Variants in COG5 observed in about 807,000 individuals in gnomAD.
The protein encoded by COG5 is conserved oligomeric Golgi complex subunit 5.
Under a neutral mutation model 110.4 loss-of-function variants are expected in COG5, and 86 were observed. The observed-to-expected ratio is 0.78, with a 90% CI of 0.65 to 0.93. The LOEUF is 0.93. Ranked by LOEUF, COG5 falls within the 40% of genes least tolerant of loss-of-function variation. The pLI, the probability that COG5 is intolerant of heterozygous loss-of-function variation, is 0.00. For synonymous variants in COG5, 360 were observed against 334.6 expected (o/e 1.08, Z -0.83); for missense variants, 1,077 against 987.0 (o/e 1.09, Z -1.22).
At chr7:107,397,686 C>CA (rs1332266442) in intron 7 of COG5, among the ~76,000 whole-genome samples, 1 of 152,120 alleles carries the variant, frequency 6.6e-6, no homozygotes, top group Non-Finnish European at 1.5e-5. Context: ...AACTGCAGTT[C>CA]AGGGTAACCA....
intron 16 of COG5, among the ~76,000 whole-genome samples, chr7:107,254,087 A>G (rs1802711099): frequency 6.6e-6 from 1 of 152,148 alleles, no homozygotes; most frequent in African/African-American, 2.4e-5. Flanking sequence ...CAGACAATAA[A>G]TATTTTTGAA....
At chr7:107,527,593 C>T (rs1800868869) in intron 5 of COG5, among the ~76,000 whole-genome samples, 1 of 152,076 alleles carries the variant, frequency 6.6e-6, no homozygotes, top group Non-Finnish European at 1.5e-5. Flanking sequence ...AAGATTCACT[C>T]ATGCTTTTTT....
intron 12 of COG5, among the ~76,000 whole-genome samples, chr7:107,288,908 ATATAT>A (rs1805894100): frequency 7.2e-4 from 1 of 1,392 alleles, no homozygotes; most frequent in South Asian, 0.026. Context: ...TCTAACAGAG[ATATAT>A]ATATATATAT....
At chr7:107,485,220 T>A (rs1797588276) in intron 6 of COG5, among the ~76,000 whole-genome samples, 1 of 152,116 alleles carries the variant, frequency 6.6e-6, no homozygotes, top group African/African-American at 2.4e-5. Flanking sequence ...TGTGCAGAGG[T>A]TGCTGTTACC....
At chr7:107,314,190 A>G (rs960925291) in intron 11 of COG5, among the ~76,000 whole-genome samples, 1 of 152,174 alleles carries the variant, frequency 6.6e-6, no homozygotes, top group African/African-American at 2.4e-5. Context: ...GAAAAATAAC[A>G]ATTTTAAAAA....
rs1584837756 is a variant in COG5, at chr7:107,449,256, T to C, written c.539-36624A>G. ...ACTTAAAACCTAGATGATGGGTTGA[T>C]AGATGCAGCAAACCACCATGGCACA... On this transcript the variant is annotated intron_variant, in intron 6 of 21. Coordinates refer to ENST00000297135, the MANE Select transcript of COG5 (RefSeq NM_006348.5). Among the ~76,000 whole-genome samples, 4 of 152,182 alleles carry C rather than the reference T, an allele frequency of 2.6e-5. No individual in the cohort carries two copies. The South Asian group carries it at 6.2e-4, about 24-fold the overall frequency.
chr7:107,414,853 G>A (rs139594930), intron 6 of COG5, among the ~76,000 whole-genome samples: 1,806 of 150,680 alleles, frequency 0.012, 32 homozygotes, highest in African/African-American at 0.041. Flanking sequence ...TCAGCCTCCC[G>A]GGTAGCTGGG....
chr7:107,221,547 G>C (rs1037709569), intron 19 of COG5, among the ~76,000 whole-genome samples: 6 of 152,020 alleles, frequency 3.9e-5, no homozygotes, highest in Non-Finnish European at 7.4e-5. Flanking sequence ...GGCAGATCAT[G>C]AGGTCAGGAG....
chr7:107,437,502 T>C (rs1362274956), intron 6 of COG5, among the ~76,000 whole-genome samples: 2 of 152,178 alleles, frequency 1.3e-5, no homozygotes, highest in Non-Finnish European at 2.9e-5. Flanking sequence ...TGGATGACTA[T>C]TATCGAATAG....
chr7:107,351,460 G>A (rs1202238642), intron 10 of COG5, among the ~76,000 whole-genome samples: 1 of 152,148 alleles, frequency 6.6e-6, no homozygotes, highest in Non-Finnish European at 1.5e-5. Context: ...TTGACAAATG[G>A]GATCTAATTA....
At chr7:107,447,692 G>A (rs1337406507) in intron 6 of COG5, among the ~76,000 whole-genome samples, 1 of 152,090 alleles carries the variant, frequency 6.6e-6, no homozygotes, top group Non-Finnish European at 1.5e-5. Flanking sequence ...TGAAACTCCA[G>A]GTCATTGGTA....
chr7:107,473,115 G>C (rs140007261), intron 6 of COG5: 11 of 151,504 alleles, frequency 7.3e-5, no homozygotes, highest in African/African-American at 2.7e-4. Flanking sequence ...CTCAAAAAAC[G>C]GGCTTCACAT....
chr7:107,433,380 A>G (rs1413378129), intron 6 of COG5, among the ~76,000 whole-genome samples: 1 of 152,232 alleles, frequency 6.6e-6, no homozygotes, highest in Non-Finnish European at 1.5e-5. Context: ...AAGGGACCCC[A>G]AACAGCCAAA....
chr7:107,508,739 C>T (rs1563073483), intron 6 of COG5, among the ~76,000 whole-genome samples: 2 of 152,104 alleles, frequency 1.3e-5, no homozygotes, highest in African/African-American at 2.4e-5. Context: ...CACTGTTCTA[C>T]AGCCACCGCT....
chr7:107,389,640 C>T (rs569627898), intron 7 of COG5, among the ~76,000 whole-genome samples: 3 of 152,312 alleles, frequency 2.0e-5, no homozygotes, highest in African/African-American at 7.2e-5. Context: ...GCAACTATAA[C>T]ATCTTAGACT....
At chr7:107,313,053 C>A (rs1165374274) in intron 11 of COG5, among the ~76,000 whole-genome samples, 1 of 152,144 alleles carries the variant, frequency 6.6e-6, no homozygotes, top group Non-Finnish European at 1.5e-5. Context: ...AAAAGACCAG[C>A]TGTGGGGAAA....
At chr7:107,406,849 A>G (rs897031363) in intron 7 of COG5, among the ~76,000 whole-genome samples, 13 of 152,304 alleles carry the variant, frequency 8.5e-5, no homozygotes, top group Non-Finnish European at 1.8e-4. Context: ...CATGTCATAG[A>G]TGCAAAATTT....
chr7:107,270,603 T>C (rs1804175753), intron 14 of COG5, among the ~76,000 whole-genome samples: 1 of 151,474 alleles, frequency 6.6e-6, no homozygotes, highest in South Asian at 2.1e-4. Context: ...TAAAAAAATC[T>C]AGACCCAAGA....
Position 107,412,529 on chromosome 7 carries a change from G to T in COG5, c.642C>A (p.Arg214=), listed in dbSNP as rs753726286. The T allele has an allele frequency of 6.2e-7, 1 of 1,612,846 alleles. No homozygotes were observed. Among genetic ancestry groups the T allele is most frequent in the South Asian group, 1.1e-5 (1 of 91,060 alleles). ...GAGTCTCCAAACCCTGCTCTAGTAG[G>T]CGCTTAGCTTGATTTTCCACTTCAA... ...ARLEVENQAK[R]LLEQGLETQN... The change falls in exon 7 of 22, where the codon CGC becomes CGA. Residue 214 remains arginine, a synonymous_variant. Transcript: ENST00000297135.
Sources: gnomAD v4.1 joint callset for allele counts (sites outside exome capture counted in the v4.1 genomes callset) on GRCh38, gnomAD v4.1.1 for gene constraint, MANE v1.5 for transcripts, NCBI Gene and HGNC (gene_info 2026-07-23, HGNC 2026-07-21) for gene names.